The following BNC2 variants were observed in gnomAD, a reference collection of about 807,000 sequenced individuals.
The protein encoded by BNC2 is basonuclin zinc finger protein 2, also known as zinc finger protein basonuclin-2.
Under a neutral mutation model 76.3 loss-of-function variants are expected in BNC2, and 20 were observed. The observed-to-expected ratio is 0.26, with a 90% CI of 0.18 to 0.38. The LOEUF (loss-of-function observed/expected upper bound fraction) is 0.38, where lower values mean the gene tolerates loss of function less well. BNC2 is among the 10% of genes least tolerant of loss of function. BNC2 has a pLI of 1.00. For missense variants in BNC2, 1,382 were observed against 1,399.8 expected, an observed-to-expected ratio of 0.99 and a Z score of 0.20; for synonymous variants, 582 against 514.8, an observed-to-expected ratio of 1.13 and a Z score of -1.77.
chr9:16,490,475 C>T (rs1176887746), intron 5 of BNC2, among the ~76,000 whole-genome samples: 4 of 152,150 alleles, frequency 2.6e-5, no homozygotes, highest in Admixed American at 6.5e-5. Context: ...ACAGCCAAAC[C>T]GTATCACTCA....
At chr9:16,471,003 T>C (rs899138701) in intron 5 of BNC2, among the ~76,000 whole-genome samples, 1 of 152,006 alleles carries the variant, frequency 6.6e-6, no homozygotes, top group Admixed American at 6.5e-5. Context: ...AGACACTCAA[T>C]GCCAGCCCAT....
chr9:16,775,094 C>A (rs1388830611), intron 1 of BNC2, among the ~76,000 whole-genome samples: 1 of 152,116 alleles, frequency 6.6e-6, no homozygotes, highest in African/African-American at 2.4e-5. Context: ...ACAGCATCAT[C>A]CAGGAACTTG....
At chr9:16,665,298 A>T (rs1822238229) in intron 3 of BNC2, 24 of 317,812 alleles carry the variant, frequency 7.6e-5, no homozygotes, top group Middle Eastern at 1.1e-3. Flanking sequence ...TGAACCTAGG[A>T]GGTGGAGGTT....
At chr9:16,756,888 G>T (rs1411787620) in intron 1 of BNC2, among the ~76,000 whole-genome samples, 1 of 151,978 alleles carries the variant, frequency 6.6e-6, no homozygotes, top group African/African-American at 2.4e-5. Context: ...CTACTCGGGA[G>T]GCTGAGGCAG....
At chr9:16,786,915 A>G (rs1473021590) in intron 1 of BNC2, among the ~76,000 whole-genome samples, 5 of 152,110 alleles carry the variant, frequency 3.3e-5, no homozygotes, top group Non-Finnish European at 4.4e-5. Flanking sequence ...CCCCTCTCCT[A>G]CTTCTTAGTG....
chr9:16,580,530 A>G (rs945457789), intron 4 of BNC2, among the ~76,000 whole-genome samples: 5 of 152,222 alleles, frequency 3.3e-5, no homozygotes, highest in Non-Finnish European at 7.3e-5. Flanking sequence ...TTCTTCAGAA[A>G]GTCCTCGAAA....
chr9:16,694,874 C>A (rs913636632), intron 3 of BNC2, among the ~76,000 whole-genome samples: 2 of 152,118 alleles, frequency 1.3e-5, no homozygotes, highest in Non-Finnish European at 2.9e-5. Context: ...GGATACCCCC[C>A]CACCCCCATC....
At chr9:16,515,444 G>A (rs998191359) in intron 5 of BNC2, among the ~76,000 whole-genome samples, 1 of 152,112 alleles carries the variant, frequency 6.6e-6, no homozygotes, top group Non-Finnish European at 1.5e-5. Flanking sequence ...GAATGCACCC[G>A]GCACCAAAGC....
chr9:16,599,388 C>T (rs1407984293), intron 3 of BNC2, among the ~76,000 whole-genome samples: 7 of 152,158 alleles, frequency 4.6e-5, no homozygotes, highest in East Asian at 1.9e-4. Context: ...TGGCTGTGAA[C>T]GGAAGCCTAG....
intron 1 of BNC2, among the ~76,000 whole-genome samples, chr9:16,839,188 G>C (rs905967714): frequency 1.3e-5 from 2 of 152,168 alleles, no homozygotes; most frequent in Non-Finnish European, 2.9e-5. Flanking sequence ...CCTTAAAAGT[G>C]AAGCAATAAT....
At chr9:16,698,528 T>A (rs770391304) in intron 3 of BNC2, among the ~76,000 whole-genome samples, 29 of 152,058 alleles carry the variant, frequency 1.9e-4, no homozygotes, top group Non-Finnish European at 1.3e-4. Context: ...CCATCTCTAC[T>A]AAAAGTACAA....
chr9:16,848,594 G>A (rs766291579), intron 1 of BNC2, among the ~76,000 whole-genome samples: 2 of 152,122 alleles, frequency 1.3e-5, no homozygotes, highest in East Asian at 3.9e-4. Context: ...CTTTACACCT[G>A]AAAACAAGGC....
intron 5 of BNC2, among the ~76,000 whole-genome samples, chr9:16,536,040 C>T (rs1343696646): frequency 1.3e-5 from 2 of 152,126 alleles, no homozygotes; most frequent in African/African-American, 2.4e-5. Flanking sequence ...CCCAGGTCAA[C>T]ATGCCAGCTC....
chr9:16,519,864 C>G (rs1351578187), intron 5 of BNC2, among the ~76,000 whole-genome samples: 1 of 152,132 alleles, frequency 6.6e-6, no homozygotes, highest in Non-Finnish European at 1.5e-5. Flanking sequence ...GGCCTCCTTC[C>G]AGGTAGAACT....
intron 1 of BNC2, among the ~76,000 whole-genome samples, chr9:16,856,263 ACTCT>A (rs201910443): frequency 2.6e-5 from 3 of 116,648 alleles, no homozygotes; most frequent in African/African-American, 5.6e-5. Context: ...CTTCACACAC[ACTCT>A]CTCTCTCTCT....
intron 6 of BNC2, among the ~76,000 whole-genome samples, chr9:16,421,904 C>G (rs78643211): frequency 1.3e-5 from 2 of 152,306 alleles, no homozygotes; most frequent in Admixed American, 6.5e-5. Flanking sequence ...CTTAATTTCA[C>G]GAGCACACAT....
chr9:16,631,608 G>A (rs1344515142), intron 3 of BNC2, among the ~76,000 whole-genome samples: 4 of 152,186 alleles, frequency 2.6e-5, no homozygotes, highest in African/African-American at 9.7e-5. Flanking sequence ...AACTGAGAGG[G>A]CTGGTATGAA....
chr9:16,539,865 A>G (rs1032721944), intron 5 of BNC2, among the ~76,000 whole-genome samples: 36 of 151,542 alleles, frequency 2.4e-4, no homozygotes, highest in Non-Finnish European at 2.9e-4. Context: ...AAAGCAAAGG[A>G]AAGGAAAAGG....
chr9:16,761,847 G>A (rs968304677), intron 1 of BNC2, among the ~76,000 whole-genome samples: 1 of 152,148 alleles, frequency 6.6e-6, no homozygotes, highest in African/African-American at 2.4e-5. Context: ...TGAGGAATTA[G>A]TGCTCTGTAG....
Sources: allele counts gnomAD v4.1 joint callset (sites outside exome capture counted in the v4.1 genomes callset), GRCh38; gene constraint gnomAD v4.1.1; transcripts MANE v1.5; gene names NCBI Gene and HGNC (gene_info 2026-07-23, HGNC 2026-07-21).